The following ANK2 variants were observed in gnomAD, a reference collection of about 807,000 sequenced individuals.
ANK2 encodes ankyrin-2.
A neutral mutation model predicts 360.5 loss-of-function variants in ANK2; 83 were observed. The ratio of observed to expected loss-of-function variants is 0.23; its 90% CI spans 0.19 to 0.28. The LOEUF (loss-of-function observed/expected upper bound fraction) is 0.28. Among genes scored for constraint, ANK2 ranks in the 10% least tolerant of loss-of-function variants. The probability of loss-of-function intolerance (pLI) is 1.00; values close to 1 mark genes in which losing one functional copy is unlikely to be tolerated. For missense variants in ANK2, 4,201 were observed against 4,795.7 expected (o/e 0.88, Z 3.66); for synonymous variants, 1,740 against 1,759.5 (o/e 0.99, Z 0.28).
intron 2 of ANK2, among the ~76,000 whole-genome samples, chr4:112,950,641 C>T (rs1259106513): frequency 1.8e-5 from 2 of 111,152 alleles, no homozygotes; most frequent in Non-Finnish European, 3.4e-5. Context: ...GAGACTCTGT[C>T]TCAAAAAGAA....
At chr4:112,748,053 A>T in the ANK2 span, among the ~76,000 whole-genome samples, 1 of 152,198 alleles carries the variant, frequency 6.6e-6, no homozygotes, top group African/African-American at 2.4e-5. Context: ...CTGTTTTCAT[A>T]CATTTTTTGT....
At position 113,375,808 on chromosome 4, in the gene ANK2, A is replaced by C. The variant is rs961565702; in HGVS notation, c.11859+2359A>C. 3.9e-5 allele frequency among the ~76,000 whole-genome samples: 6 copies of C among 152,330 alleles called. No homozygotes were observed. The South Asian group carries it at 1.2e-3, about 32-fold the overall frequency. On this transcript the variant is annotated intron_variant, in intron 45 of 45. Coordinates refer to ENST00000357077, the MANE Select transcript of ANK2 (RefSeq NM_001148.6). ...CTCTTACTAAAATCCCCAAATGCTG[A>C]AAACCAAAACAAATTTTGTAAGTTA...
Position 113,359,061 on chromosome 4 carries a change from T to A in ANK2, c.10443T>A (p.Ile3481=). The change falls in exon 38 of 46, where the codon ATT becomes ATA. Residue 3481 remains isoleucine, a synonymous_variant. Transcript: ENST00000357077. ...YRNSIEFFEE[I]SDEASKLVDR... ...ATTCCATAGAATTCTTTGAGGAGAT[T>A]AGTGATGAGGCTTCCAAATTAGTGG... 2 of 1,614,094 alleles carry A rather than the reference T, an allele frequency of 1.2e-6. No homozygotes were observed. Among genetic ancestry groups the A allele is most frequent in the South Asian group, 2.2e-5 (2 of 91,082 alleles).
At chr4:112,993,897 AG>A (rs1222560407) in intron 2 of ANK2, among the ~76,000 whole-genome samples, 1 of 151,942 alleles carries the variant, frequency 6.6e-6, no homozygotes, top group Non-Finnish European at 1.5e-5. Context: ...TATTAGAGAC[AG>A]GGTTTCCCCA....
At chr4:112,829,599 T>C (rs1165514815) in intron 1 of ANK2, among the ~76,000 whole-genome samples, 2 of 149,962 alleles carry the variant, frequency 1.3e-5, no homozygotes, top group Admixed American at 6.7e-5. Context: ...AAACTAATCA[T>C]TAGAGATATG....
intron 16 of ANK2, among the ~76,000 whole-genome samples, chr4:113,278,157 A>G (rs996757672): frequency 2.0e-5 from 3 of 152,212 alleles, no homozygotes; most frequent in Non-Finnish European, 4.4e-5. Flanking sequence ...CAACAGCCCC[A>G]GAAAGTCTCT....
chr4:112,761,852 T>C, the ANK2 span, among the ~76,000 whole-genome samples: 1 of 152,178 alleles, frequency 6.6e-6, no homozygotes, highest in African/African-American at 2.4e-5. Context: ...ATAAACTCCT[T>C]GAAAGAAGGA....
the ANK2 span, chr4:112,797,408 T>C: frequency 1.3e-5 from 2 of 153,602 alleles, no homozygotes; most frequent in Admixed American, 1.3e-4. Flanking sequence ...GGCCATTCTA[T>C]GAATGTTGGG....
At chr4:112,921,253 G>A (rs1394202680) in intron 2 of ANK2, among the ~76,000 whole-genome samples, 1 of 151,614 alleles carries the variant, frequency 6.6e-6, no homozygotes, top group Non-Finnish European at 1.5e-5. Context: ...TTGAATTCCT[G>A]AGCTCAAGCA....
chr4:113,298,248 TATTTA>T (rs1221628837), intron 22 of ANK2, among the ~76,000 whole-genome samples: 1 of 152,206 alleles, frequency 6.6e-6, no homozygotes, highest in Admixed American at 6.5e-5. Flanking sequence ...ATTTACATAA[TATTTA>T]ATTTAGTTAT....
At chr4:112,821,259 G>A (rs1374129022) in intron 1 of ANK2, among the ~76,000 whole-genome samples, 1 of 151,772 alleles carries the variant, frequency 6.6e-6, no homozygotes, top group Non-Finnish European at 1.5e-5. Context: ...GTGTTGTCAG[G>A]GCTGGTCTGG....
intron 1 of ANK2, among the ~76,000 whole-genome samples, chr4:113,056,575 A>G (rs917840436): frequency 6.6e-6 from 1 of 152,180 alleles, no homozygotes; most frequent in African/African-American, 2.4e-5. Context: ...CACAACAAAT[A>G]AAGTTACCAT....
the ANK2 span, among the ~76,000 whole-genome samples, chr4:112,786,992 G>A: frequency 6.6e-6 from 1 of 151,996 alleles, no homozygotes; most frequent in East Asian, 1.9e-4. Context: ...CAAGTGATCC[G>A]CCCACCTTGG....
chr4:112,849,150 A>T (rs1206905918), intron 1 of ANK2, among the ~76,000 whole-genome samples: 1 of 152,240 alleles, frequency 6.6e-6, no homozygotes, highest in South Asian at 2.1e-4. Context: ...AGACAAATTG[A>T]TGTATTCAAG....
the ANK2 span, among the ~76,000 whole-genome samples, chr4:112,754,517 T>TTGG: frequency 5.6e-4 from 83 of 147,858 alleles, 1 homozygote; most frequent in East Asian, 0.013. Context: ...TTTTTTTTTT[T>TTGG]GGGGGGGCGT....
intron 17 of ANK2, among the ~76,000 whole-genome samples, chr4:113,279,829 A>T (rs1296488705): frequency 6.6e-6 from 1 of 151,930 alleles, no homozygotes; most frequent in African/African-American, 2.4e-5. Flanking sequence ...AGAGGGTGCC[A>T]AATGTTCATA....
chr4:113,184,707 TTTA>T lies in ANK2; in HGVS notation c.186+10207_186+10209del, dbSNP rs200189943. On this transcript the variant is annotated intron_variant, in intron 2 of 45. Transcript: ENST00000357077. ...TGTTTTATGGCTGATCATTAATTCT[TTTA>T]TTATTATTATTATTATACTTTAAGT... Among the ~76,000 whole-genome samples the T allele has an allele frequency of 1.3e-4, 19 of 151,718 alleles. No individual in the cohort carries two copies. In the East Asian group the frequency reaches 1.7e-3, roughly 14 times the overall value.
chr4:112,707,543 T>C, the ANK2 span, among the ~76,000 whole-genome samples: 1 of 152,344 alleles, frequency 6.6e-6, no homozygotes, highest in Non-Finnish European at 1.5e-5. Flanking sequence ...ATAGCAGATA[T>C]CATTAAATCT....
chr4:112,991,995 A>G (rs1014913040), intron 2 of ANK2, among the ~76,000 whole-genome samples: 1 of 152,136 alleles, frequency 6.6e-6, no homozygotes, highest in Non-Finnish European at 1.5e-5. Flanking sequence ...TTCTCTGAGA[A>G]GATGGAAACT....
Sources: gnomAD v4.1 joint callset for allele counts (sites outside exome capture counted in the v4.1 genomes callset) on GRCh38, gnomAD v4.1.1 for gene constraint, MANE v1.5 for transcripts, NCBI Gene and HGNC (gene_info 2026-07-23, HGNC 2026-07-21) for gene names.